SCRG1: variants seen among roughly 807,000 people sequenced by gnomAD.
SCRG1 encodes the protein stimulator of chondrogenesis 1.
Under a neutral mutation model 7.7 loss-of-function variants are expected in SCRG1, and 3 were observed. That is an observed-to-expected ratio of 0.39 (90% CI 0.18 to 1.01). The LOEUF is 1.01. SCRG1 is among the 50% of genes least tolerant of loss of function. SCRG1 has a pLI of 0.36. For missense variants in SCRG1, 110 were observed against 117.2 expected, an observed-to-expected ratio of 0.94 and a Z score of 0.28; for synonymous variants, 46 against 41.2, an observed-to-expected ratio of 1.12 and a Z score of -0.44.
At chr4:173,453,668 G>C in the SCRG1 span, among the ~76,000 whole-genome samples, 1 of 152,222 alleles carries the variant, frequency 6.6e-6, no homozygotes, top group African/African-American at 2.4e-5. Flanking sequence ...TGAGACCACT[G>C]TCATATATGC....
At chr4:173,440,523 A>G in the SCRG1 span, among the ~76,000 whole-genome samples, 1 of 152,210 alleles carries the variant, frequency 6.6e-6, no homozygotes, top group African/African-American at 2.4e-5. Flanking sequence ...GAAATTAGTA[A>G]GCTATGCTTT....
chr4:173,390,472 G>A (rs1387209649), intron 2 of SCRG1, among the ~76,000 whole-genome samples: 1 of 115,456 alleles, frequency 8.7e-6, no homozygotes, highest in Non-Finnish European at 1.9e-5. Context: ...GTTGTTGTTC[G>A]TTTTTTTTTT....
the SCRG1 span, among the ~76,000 whole-genome samples, chr4:173,484,018 A>G: frequency 1.0e-5 from 1 of 97,630 alleles, no homozygotes; most frequent in Non-Finnish European, 1.8e-5. Flanking sequence ...ATTATATAAT[A>G]TATTATAATA....
At chr4:173,391,454 T>G in intron 1 of SCRG1, 26 bp from the exon 2 acceptor site, 1 of 1,609,112 alleles carries the variant, frequency 6.2e-7, no homozygotes, top group Non-Finnish European at 8.5e-7. Context: ...GACCAAAATG[T>G]GTCAATGTTT....
At chr4:173,497,039 G>A in the SCRG1 span, among the ~76,000 whole-genome samples, 3 of 152,194 alleles carry the variant, frequency 2.0e-5, no homozygotes, top group African/African-American at 7.2e-5. Context: ...CTGGGAGGCA[G>A]AGCGTGCAGT....
chr4:173,507,570 C>G, the SCRG1 span, among the ~76,000 whole-genome samples: 13 of 152,118 alleles, frequency 8.5e-5, no homozygotes, highest in Non-Finnish European at 1.5e-5. This position sits in a 1 kb window ranked among gnomAD's most constrained non-coding sequence, Gnocchi z 4.4. Flanking sequence ...GATCTGTCCC[C>G]AAGCTCTTTC....
the SCRG1 span, among the ~76,000 whole-genome samples, chr4:173,493,499 T>A: frequency 1.1e-3 from 165 of 151,960 alleles, no homozygotes; most frequent in Non-Finnish European, 1.5e-3. Context: ...GTGCTTGTAG[T>A]CCCAGCTACT....
the SCRG1 span, among the ~76,000 whole-genome samples, chr4:173,504,308 CGTGCTCCTCCG>C: frequency 6.6e-6 from 1 of 152,188 alleles, no homozygotes; most frequent in East Asian, 1.9e-4. The surrounding 1 kb of genome is among the most constrained non-coding windows in gnomAD (Gnocchi z 4.7). Context: ...GCGCAAACGG[CGTGCTCCTCCG>C]GTAGCCGTAT....
the SCRG1 span, among the ~76,000 whole-genome samples, chr4:173,484,956 T>C: frequency 0.029 from 1,307 of 45,024 alleles, 29 homozygotes; most frequent in Middle Eastern, 0.094. Flanking sequence ...TATATAATAT[T>C]ATATATATTA....
At chr4:173,415,490 T>C in the SCRG1 span, among the ~76,000 whole-genome samples, 1 of 152,220 alleles carries the variant, frequency 6.6e-6, no homozygotes, top group Non-Finnish European at 1.5e-5. Context: ...CAGATAACCA[T>C]GGCCATTATA....
the SCRG1 span, among the ~76,000 whole-genome samples, chr4:173,451,605 A>G: frequency 2.5e-5 from 2 of 79,968 alleles, no homozygotes; most frequent in Non-Finnish European, 6.1e-5. Context: ...GTACCATTTT[A>G]TTTTATTTTA....
At chr4:173,432,498 A>G in the SCRG1 span, among the ~76,000 whole-genome samples, 15 of 150,108 alleles carry the variant, frequency 1.0e-4, no homozygotes, top group Admixed American at 9.9e-4. Flanking sequence ...TTCTCTCAGT[A>G]TCTGTCTTTG....
the SCRG1 span, among the ~76,000 whole-genome samples, chr4:173,499,295 A>T: frequency 6.6e-6 from 1 of 152,188 alleles, no homozygotes; most frequent in African/African-American, 2.4e-5. This position sits in a 1 kb window ranked among gnomAD's most constrained non-coding sequence, Gnocchi z 4.1. Flanking sequence ...GCTCCATCCT[A>T]TCCGTGTTCC....
At chr4:173,441,658 T>A in the SCRG1 span, among the ~76,000 whole-genome samples, 2 of 152,224 alleles carry the variant, frequency 1.3e-5, no homozygotes, top group Admixed American at 1.3e-4. Flanking sequence ...TGTAAACCAC[T>A]GTGCTAGATG....
chr4:173,485,211 A>ATATTACAT, the SCRG1 span, among the ~76,000 whole-genome samples: 2 of 32,606 alleles, frequency 6.1e-5, no homozygotes, highest in African/African-American at 1.5e-4. Context: ...GATATATTAT[A>ATATTACAT]TATAGGATAA....
chr4:173,487,433 G>A, the SCRG1 span, among the ~76,000 whole-genome samples: 1 of 152,172 alleles, frequency 6.6e-6, no homozygotes, highest in Admixed American at 6.5e-5. Flanking sequence ...AAGCTAGACA[G>A]CAAAAGTCCT....
At chr4:173,482,494 G>C in the SCRG1 span, among the ~76,000 whole-genome samples, 2 of 152,054 alleles carry the variant, frequency 1.3e-5, no homozygotes, top group Admixed American at 6.6e-5. Flanking sequence ...GGCTGGCCTT[G>C]TGACAGCTAC....
At chr4:173,448,257 T>A in the SCRG1 span, among the ~76,000 whole-genome samples, 1 of 152,194 alleles carries the variant, frequency 6.6e-6, no homozygotes, top group Non-Finnish European at 1.5e-5. Context: ...CCAACTGGAG[T>A]TGGAATGAGG....
chr4:173,494,641 G>T, the SCRG1 span, among the ~76,000 whole-genome samples: 239 of 152,290 alleles, frequency 1.6e-3, 1 homozygote, highest in African/African-American at 5.5e-3. Flanking sequence ...TTCCTCCTTG[G>T]GCACCAGGAG....
Sources: gnomAD v4.1 joint callset for allele counts (sites outside exome capture counted in the v4.1 genomes callset) on GRCh38, gnomAD v4.1.1 for gene constraint, Gnocchi (gnomAD v3.1) non-coding constraint, MANE v1.5 for transcripts, NCBI Gene and HGNC (gene_info 2026-07-23, HGNC 2026-07-21) for gene names.